PXDNL: variants seen among roughly 807,000 people sequenced by gnomAD.
PXDNL encodes probable oxidoreductase PXDNL.
PXDNL carries 145 observed loss-of-function variants against 150.8 expected under a neutral mutation model. That is an observed-to-expected ratio of 0.96 (90% confidence interval 0.84 to 1.10). The LOEUF (loss-of-function observed/expected upper bound fraction) is 1.10, where lower values mean the gene tolerates loss of function less well. Ranked by LOEUF, PXDNL falls within the 50% of genes least tolerant of loss-of-function variation. The probability of loss-of-function intolerance (pLI) is 0.00; values close to 1 mark genes in which losing one functional copy is unlikely to be tolerated. For missense variants in PXDNL, 2,087 were observed against 1,873.9 expected (o/e 1.11, Z -2.10); for synonymous variants, 757 against 725.7 (o/e 1.04, Z -0.69).
chr8:51,389,974 A>T (rs1211954592), intron 17 of PXDNL, among the ~76,000 whole-genome samples: 1 of 152,154 alleles, frequency 6.6e-6, no homozygotes, highest in Non-Finnish European at 1.5e-5. Flanking sequence ...ATGTTTATAT[A>T]TTTTAATTCA....
intron 12 of PXDNL, among the ~76,000 whole-genome samples, chr8:51,443,882 C>G (rs1809610332): frequency 6.6e-6 from 1 of 152,082 alleles, no homozygotes; most frequent in Non-Finnish European, 1.5e-5. Context: ...CAATTGGTAG[C>G]TTCTTTTTTT....
intron 2 of PXDNL, among the ~76,000 whole-genome samples, chr8:51,603,893 G>A (rs1287996972): frequency 6.6e-6 from 1 of 152,118 alleles, no homozygotes; most frequent in Non-Finnish European, 1.5e-5. Context: ...CAGTGACAAA[G>A]TAGTGTCACT....
chr8:51,486,779 TATATATATATATATA>T lies in PXDNL; in HGVS notation c.453-3080_453-3066del, dbSNP rs1387656058. Reference sequence around the variant, plus strand: ...ATATATATATATATATATATATATATATATATATATATATATTTTTTTTTTTTTTTTTTTTTTTTT... The same window carrying T: ...ATATATATATATATATATATATATATTTTTTTTTTTTTTTTTTTTTTTTTT... On this transcript the variant is annotated intron_variant, in intron 5 of 22. Transcript: ENST00000356297. Among the ~76,000 whole-genome samples, 55 of 14,960 alleles carry T rather than the reference TATATATATATATATA, an allele frequency of 3.7e-3. 1 individual carries two copies. The highest frequency in any genetic ancestry group is 0.01 in the East Asian group (4 of 400). The allele number at this position is 14,960 out of a possible 152,430, so 9.8% of individuals were successfully genotyped here.
intron 2 of PXDNL, among the ~76,000 whole-genome samples, chr8:51,639,937 T>C (rs1191215223): frequency 6.6e-6 from 1 of 152,072 alleles, no homozygotes; most frequent in African/African-American, 2.4e-5. Context: ...TGATGAACAT[T>C]GACGCAAAAA....
chr8:51,790,735 G>A (rs1343385547), intron 1 of PXDNL, among the ~76,000 whole-genome samples: 1 of 46,866 alleles, frequency 2.1e-5, no homozygotes, highest in Non-Finnish European at 1.3e-4. Context: ...AGCCCCGGGT[G>A]CCAGCAGCCC....
rs1237841767 is a variant in PXDNL, at chr8:51,411,242, TG to T, written c.2062+7del. ...GTAGGCTGAGAATAAAATGGCTTTG[TG>T]GCTGACCTTTGCCTTCCAAGTCCAC... On this transcript the variant is annotated splice_region_variant and intron_variant, in intron 16 of 22. Coordinates refer to ENST00000356297, the MANE Select transcript of PXDNL (RefSeq NM_144651.5). The T allele has an allele frequency of 6.9e-7, 1 of 1,446,760 alleles. No individual in the cohort carries two copies. Among genetic ancestry groups the T allele is most frequent in the Non-Finnish European group, 9.1e-7 (1 of 1,098,432 alleles). 89.6% of individuals were successfully genotyped at this position (1,446,760 alleles called of 1,614,324 possible).
intron 9 of PXDNL, among the ~76,000 whole-genome samples, chr8:51,456,016 C>T (rs1306891506): frequency 6.6e-6 from 1 of 152,164 alleles, no homozygotes; most frequent in African/African-American, 2.4e-5. Context: ...TTCCTCCATT[C>T]ACTTTGCCAC....
chr8:51,690,285 G>T (rs1359376988), intron 1 of PXDNL, among the ~76,000 whole-genome samples: 1 of 151,906 alleles, frequency 6.6e-6, no homozygotes, highest in Non-Finnish European at 1.5e-5. Flanking sequence ...TTGTCATTTA[G>T]CATTAGGTAT....
At chr8:51,784,367 C>T (rs934343930) in intron 1 of PXDNL, among the ~76,000 whole-genome samples, 9 of 152,270 alleles carry the variant, frequency 5.9e-5, no homozygotes, top group South Asian at 2.1e-4. Flanking sequence ...ATTGTTTTTA[C>T]GAATTCTTAA....
At chr8:51,356,982 A>G (rs1050831292) in intron 19 of PXDNL, among the ~76,000 whole-genome samples, 1 of 152,184 alleles carries the variant, frequency 6.6e-6, no homozygotes, top group Admixed American at 6.5e-5. Flanking sequence ...GATTCATCTG[A>G]TAATTATCCC....
chr8:51,560,067 G>A (rs937488631), intron 3 of PXDNL, among the ~76,000 whole-genome samples: 1 of 151,790 alleles, frequency 6.6e-6, no homozygotes, highest in African/African-American at 2.4e-5. Flanking sequence ...ATTTACAATA[G>A]CTTATAAATA....
At chr8:51,493,027 C>G (rs948690004) in intron 5 of PXDNL, among the ~76,000 whole-genome samples, 1 of 152,138 alleles carries the variant, frequency 6.6e-6, no homozygotes, top group East Asian at 1.9e-4. Context: ...CTGGGAGGCA[C>G]CCCCCAGTAG....
chr8:51,799,997 A>G (rs1051797710), intron 1 of PXDNL, among the ~76,000 whole-genome samples: 10 of 152,018 alleles, frequency 6.6e-5, no homozygotes, highest in African/African-American at 2.4e-4. Context: ...TTTGGAATCT[A>G]TTTTCCTCTT....
Position 51,423,696 on chromosome 8 carries a change from A to G in PXDNL, c.1674T>C (p.His558=), listed in dbSNP as rs1200122547. Residue 558 remains histidine (H), a synonymous_variant, in exon 14 of 23, where the codon CAT becomes CAC. Transcript: ENST00000356297. ...TAGTCAGCGTGCCTTCATCATCCACATGGAATTTACCACTCTCAGTAATCT... is the reference window on the plus strand; with the variant it reads ...TAGTCAGCGTGCCTTCATCATCCACGTGGAATTTACCACTCTCAGTAATCT... ...GVQITESGKF[H]VDDEGTLTIY... 41 of 1,613,782 alleles carry G rather than the reference A, an allele frequency of 2.5e-5. No homozygotes were observed. The highest frequency in any genetic ancestry group is 3.3e-5 in the Non-Finnish European group (39 of 1,179,804).
chr8:51,350,693 G>A (rs1409161977), intron 19 of PXDNL, among the ~76,000 whole-genome samples: 2 of 152,140 alleles, frequency 1.3e-5, no homozygotes, highest in African/African-American at 4.8e-5. Context: ...CATGACACCC[G>A]CACACGTGGT....
chr8:51,549,748 C>A (rs114449024), intron 4 of PXDNL, among the ~76,000 whole-genome samples: 2,234 of 152,002 alleles, frequency 0.015, 54 homozygotes, highest in African/African-American at 0.05. Flanking sequence ...CACAAACAGA[C>A]AATCTAGGCT....
chr8:51,667,311 T>A (rs569639443), intron 1 of PXDNL, among the ~76,000 whole-genome samples: 1 of 152,182 alleles, frequency 6.6e-6, no homozygotes, highest in Non-Finnish European at 1.5e-5. Context: ...AACAAAAAGA[T>A]GAATTAATGA....
intron 4 of PXDNL, among the ~76,000 whole-genome samples, chr8:51,510,958 G>C (rs895666409): frequency 6.6e-6 from 1 of 152,166 alleles, no homozygotes; most frequent in Non-Finnish European, 1.5e-5. Context: ...TCAGTCAAAG[G>C]TGGTACAATG....
chr8:51,779,214 TA>T (rs2037386422), intron 1 of PXDNL, among the ~76,000 whole-genome samples: 2 of 152,210 alleles, frequency 1.3e-5, no homozygotes, highest in Non-Finnish European at 2.9e-5. Flanking sequence ...TCTGTGTGAT[TA>T]AAACATGCCC....
Sources: gnomAD v4.1 joint callset for allele counts (sites outside exome capture counted in the v4.1 genomes callset) on GRCh38, gnomAD v4.1.1 for gene constraint, MANE v1.5 for transcripts, NCBI Gene and HGNC (gene_info 2026-07-23, HGNC 2026-07-21) for gene names.